Variants in NCOA2 observed in about 807,000 individuals in gnomAD.
The protein encoded by NCOA2 is class E basic helix-loop-helix protein 75.
A neutral mutation model predicts 145.1 loss-of-function variants in NCOA2; 21 were observed. The ratio of observed to expected loss-of-function variants is 0.14; its 90% confidence interval spans 0.10 to 0.21. The LOEUF (loss-of-function observed/expected upper bound fraction) is 0.21. NCOA2 is among the 10% of genes least tolerant of loss of function. The pLI, the probability that NCOA2 is intolerant of heterozygous loss-of-function variation, is 1.00. For missense variants in NCOA2, 1,472 were observed against 1,837.6 expected (o/e 0.80, Z 3.64); for synonymous variants, 619 against 637.5 (o/e 0.97, Z 0.44).
the NCOA2 span, among the ~76,000 whole-genome samples, chr8:70,412,327 G>T: frequency 6.6e-6 from 1 of 151,114 alleles, no homozygotes; most frequent in East Asian, 1.9e-4. Context: ...AAAATAAGTT[G>T]ATATAGTTCC....
At chr8:70,285,875 A>C (rs1826196598) in intron 2 of NCOA2, among the ~76,000 whole-genome samples, 1 of 152,204 alleles carries the variant, frequency 6.6e-6, no homozygotes, top group African/African-American at 2.4e-5. Context: ...TCTATGTCAT[A>C]TCAGAAAGAG....
intron 1 of NCOA2, among the ~76,000 whole-genome samples, chr8:70,340,239 T>C (rs942569353): frequency 6.6e-6 from 1 of 151,926 alleles, no homozygotes; most frequent in African/African-American, 2.4e-5. Flanking sequence ...TAAACAAATT[T>C]ATAAGAAAAA....
Position 70,163,708 on chromosome 8 carries a change from T to C in NCOA2, c.731-142A>G, listed in dbSNP as rs950580034. On this transcript the variant is annotated intron_variant, in intron 7 of 22. Transcript: ENST00000452400. Reference sequence around the variant, plus strand: ...TGAAACACTATGTACCTGAGCTTCCTACTGGTTTTATTCTCTTCATGAAAG... The same window carrying C: ...TGAAACACTATGTACCTGAGCTTCCCACTGGTTTTATTCTCTTCATGAAAG... 1.7e-5 allele frequency: 11 copies of C among 629,124 alleles called. No individual in the cohort carries two copies. The South Asian group carries it at 2.0e-4, about 12-fold the overall frequency. The allele number at this position is 629,124 out of a possible 1,614,324, so 39.0% of individuals were successfully genotyped here. A position where few individuals can be genotyped will look rare whatever the true frequency, so the allele number is the denominator to read the frequency against.
At position 70,113,275 on chromosome 8, in the gene NCOA2, A is replaced by G; in HGVS notation, c.*357T>C. ...GTGTCTGGAACCGAACAGGAACAGA[A>G]CAAGAGCATGGTTCTCCTTAAATAC... On this transcript the variant is annotated 3_prime_UTR_variant, in exon 23 of 23. Transcript: ENST00000452400. The G allele has an allele frequency of 3.0e-6, 1 of 330,898 alleles. No homozygotes were observed. Among genetic ancestry groups the G allele is most frequent in the Non-Finnish European group, 5.6e-6 (1 of 179,670 alleles). The allele number at this position is 330,898 out of a possible 1,614,324, so 20.5% of individuals were successfully genotyped here.
In NCOA2 at chr8:70,310,565, T is replaced by C. The variant is rs377511650; in HGVS notation, c.-76-13765A>G. Among the ~76,000 whole-genome samples, 16 of 152,280 alleles carry C rather than the reference T, an allele frequency of 1.1e-4. No individual in the cohort carries two copies. In the South Asian group the frequency reaches 3.3e-3, roughly 32 times the overall value. On this transcript the variant is annotated intron_variant, in intron 1 of 22. Coordinates refer to ENST00000452400, the MANE Select transcript of NCOA2 (RefSeq NM_006540.4). ...GTAATGAATTCTTTTTATTTTTTCT[T>C]CATAAAGTATCAGGTTAAAATATCT... is the stretch of plus-strand genomic sequence containing the variant.
chr8:70,375,909 T>C (rs550229222), intron 1 of NCOA2, among the ~76,000 whole-genome samples: 1 of 152,344 alleles, frequency 6.6e-6, no homozygotes, highest in East Asian at 1.9e-4. Flanking sequence ...TAATACCCAT[T>C]TGCTCTTTTC....
chr8:70,451,590 A>G, the NCOA2 span, among the ~76,000 whole-genome samples: 2 of 150,760 alleles, frequency 1.3e-5, no homozygotes, highest in Non-Finnish European at 1.5e-5. Flanking sequence ...ATTTTAAACT[A>G]TTTTTTTTTA....
At chr8:70,252,786 T>C (rs557270566) in intron 2 of NCOA2, among the ~76,000 whole-genome samples, 110 of 152,338 alleles carry the variant, frequency 7.2e-4, no homozygotes, top group African/African-American at 2.4e-3. Flanking sequence ...ACAAATAGAA[T>C]TGTCGAAGAC....
Position 70,143,426 on chromosome 8 carries a change from C to T in NCOA2, c.2812+1216G>A, listed in dbSNP as rs559656751. 2.0e-5 allele frequency among the ~76,000 whole-genome samples: 3 copies of T among 152,142 alleles called. No homozygotes were observed. The South Asian group carries it at 6.2e-4, about 32-fold the overall frequency. ...GGTAAGCCTTAATAAATCATGGCTC[C>T]TTTTTCTCTTATAGAACTTTATATA... On this transcript the variant is annotated intron_variant, in intron 13 of 22. Coordinates refer to ENST00000452400, the MANE Select transcript of NCOA2 (RefSeq NM_006540.4).
chr8:70,442,116 G>GAAAGAAAGAAGAAAGAAAGA, the NCOA2 span, among the ~76,000 whole-genome samples: 1 of 82,350 alleles, frequency 1.2e-5, no homozygotes, highest in Non-Finnish European at 2.9e-5. Context: ...GAGAAAGAAA[G>GAAAGAAAGAAGAAAGAAAGA]AAGAAAGAAA....
At chr8:70,255,022 T>A (rs1304440148) in intron 2 of NCOA2, among the ~76,000 whole-genome samples, 2 of 152,198 alleles carry the variant, frequency 1.3e-5, no homozygotes, top group Non-Finnish European at 2.9e-5. Flanking sequence ...GGAAAGACTT[T>A]GATTCACAAG....
intron 22 of NCOA2, among the ~76,000 whole-genome samples, chr8:70,117,913 A>C (rs1245312072): frequency 2.6e-5 from 4 of 152,256 alleles, no homozygotes; most frequent in Non-Finnish European, 5.9e-5. Flanking sequence ...GGACCATCTC[A>C]GTGTTCTGCT....
intron 19 of NCOA2, 36 bp from the exon 20 acceptor site, chr8:70,124,901 G>A (rs752317623): frequency 1.9e-5 from 29 of 1,538,460 alleles, no homozygotes; most frequent in Non-Finnish European, 2.4e-5. Flanking sequence ...ATCCAAAAGA[G>A]ACTGTTAGTT....
At chr8:70,280,008 C>T (rs1298555086) in intron 2 of NCOA2, among the ~76,000 whole-genome samples, 1 of 152,234 alleles carries the variant, frequency 6.6e-6, no homozygotes, top group Non-Finnish European at 1.5e-5. Flanking sequence ...CATTTCTACA[C>T]TTGCAGCCAA....
At chr8:70,137,697 G>T (rs968307557) in intron 15 of NCOA2, among the ~76,000 whole-genome samples, 1 of 152,216 alleles carries the variant, frequency 6.6e-6, no homozygotes, top group African/African-American at 2.4e-5. Context: ...TGTCTACACA[G>T]TGTGCGCCTA....
chr8:70,298,832 C>T (rs1827278031), intron 1 of NCOA2, among the ~76,000 whole-genome samples: 1 of 152,086 alleles, frequency 6.6e-6, no homozygotes, highest in Non-Finnish European at 1.5e-5. Context: ...GAGGCTGAGG[C>T]GGGTGGATCA....
intron 2 of NCOA2, among the ~76,000 whole-genome samples, chr8:70,246,865 CAG>C (rs1008825944): frequency 9.5e-4 from 144 of 152,208 alleles, no homozygotes; most frequent in African/African-American, 3.1e-3. Context: ...CAGATCAAGA[CAG>C]AGAGTTTTCA....
intron 1 of NCOA2, among the ~76,000 whole-genome samples, chr8:70,309,169 T>C (rs1828111965): frequency 6.6e-6 from 1 of 152,076 alleles, no homozygotes; most frequent in Non-Finnish European, 1.5e-5. Flanking sequence ...CCAGGCCCCA[T>C]CTATTATAGC....
chr8:70,450,270 G>A, the NCOA2 span, among the ~76,000 whole-genome samples: 1 of 152,198 alleles, frequency 6.6e-6, no homozygotes, highest in African/African-American at 2.4e-5. Context: ...TCAGAAGGTG[G>A]GGCATGTGGG....
Sources: allele counts gnomAD v4.1 joint callset (sites outside exome capture counted in the v4.1 genomes callset), GRCh38; gene constraint gnomAD v4.1.1; transcripts MANE v1.5; gene names NCBI Gene and HGNC (gene_info 2026-07-23, HGNC 2026-07-21).